KDM7A: variants seen among roughly 807,000 people sequenced by gnomAD.
The protein encoded by KDM7A is lysine-specific demethylase 7A.
In KDM7A, 28 loss-of-function variants were observed where a neutral mutation model predicts 114.8. The observed-to-expected ratio is 0.24, with a 90% confidence interval of 0.18 to 0.33. The LOEUF (loss-of-function observed/expected upper bound fraction) is 0.33, where lower values mean the gene tolerates loss of function less well. KDM7A is among the 10% of genes least tolerant of loss of function. The pLI is 1.00. For missense variants in KDM7A, 942 were observed against 1,142.5 expected (o/e 0.82, Z 2.53); for synonymous variants, 423 against 397.8 (o/e 1.06, Z -0.75).
chr7:140,119,195 T>C lies in KDM7A; in HGVS notation c.1164A>G (p.Leu388=), dbSNP rs1442150316. The change falls in exon 9 of 20, where the codon CTA becomes CTG. Residue 388 remains leucine, a synonymous_variant. Coordinates refer to ENST00000397560, the MANE Select transcript of KDM7A (RefSeq NM_030647.2). ...QLRCYEMEKR[L]KTPDLFKFPF... is the part of the protein sequence containing the mutation. Reference sequence around the variant, plus strand: ...GGAATTTGAAAAGATCTGGTGTTTTTAGCCTTTTCTCCATCTCATAACACC... The same window carrying C: ...GGAATTTGAAAAGATCTGGTGTTTTCAGCCTTTTCTCCATCTCATAACACC... 1.2e-6 allele frequency: 2 copies of C among 1,605,794 alleles called. No individual in the cohort carries two copies. Among genetic ancestry groups the C allele is most frequent in the Admixed American group, 3.3e-5 (2 of 59,832 alleles).
chr7:140,102,945 C>T (rs1436309965), intron 11 of KDM7A, among the ~76,000 whole-genome samples: 1 of 152,172 alleles, frequency 6.6e-6, no homozygotes, highest in Non-Finnish European at 1.5e-5. Flanking sequence ...CCACTTGCAA[C>T]ATTTTTTTAC....
chr7:140,110,956 G>T, intron 11 of KDM7A, 139 bp downstream of exon 11: 1 of 487,566 alleles, frequency 2.1e-6, no homozygotes, highest in East Asian at 3.2e-5. Context: ...GAAAACCTGA[G>T]AAACCTCCAA....
chr7:140,105,190 T>A (rs1183817035), intron 11 of KDM7A, among the ~76,000 whole-genome samples: 2 of 152,198 alleles, frequency 1.3e-5, no homozygotes, highest in Non-Finnish European at 1.5e-5. Flanking sequence ...GATTTTGGGC[T>A]GAGATGAGGG....
intron 1 of KDM7A, among the ~76,000 whole-genome samples, chr7:140,173,138 A>T (rs1354707502): frequency 6.6e-6 from 1 of 152,202 alleles, no homozygotes; most frequent in Non-Finnish European, 1.5e-5. Flanking sequence ...GCGGGGCCTT[A>T]TCAGGAAAGA....
Position 140,134,730 on chromosome 7 carries a change from T to C in KDM7A, c.281-1074A>G, listed in dbSNP as rs113074160. On this transcript the variant is annotated intron_variant, in intron 2 of 19. Transcript: ENST00000397560. ...TTAGAGCATGTAATGAAAATGTTAA[T>C]AGTAGAATCTAGATGATAAGGCTTA... 2.7e-3 allele frequency among the ~76,000 whole-genome samples: 416 copies of C among 152,254 alleles called. 4 individuals are homozygous for C. Among genetic ancestry groups the C allele is most frequent in the African/African-American group, 9.6e-3 (397 of 41,558 alleles).
intron 2 of KDM7A, among the ~76,000 whole-genome samples, chr7:140,135,441 T>A (rs898858031): frequency 6.6e-6 from 1 of 152,178 alleles, no homozygotes; most frequent in Non-Finnish European, 1.5e-5. Flanking sequence ...GACCTTGTGA[T>A]CCGCCCACCT....
At chr7:140,138,367 TAAC>T (rs764854407) in intron 2 of KDM7A, among the ~76,000 whole-genome samples, 37 of 152,036 alleles carry the variant, frequency 2.4e-4, no homozygotes, top group Non-Finnish European at 3.5e-4. Context: ...ATTTGCACAA[TAAC>T]AACATTTCAA....
chr7:140,100,681 C>CACACATATATATATATATATATAT (rs1554395402), intron 12 of KDM7A, among the ~76,000 whole-genome samples: 3 of 44,364 alleles, frequency 6.8e-5, no homozygotes, highest in African/African-American at 1.9e-4. Context: ...TATATATATA[C>CACACATATATATATATATATATAT]ATATATACAT....
At chr7:140,147,295 T>C (rs1159047177) in intron 1 of KDM7A, among the ~76,000 whole-genome samples, 2 of 152,092 alleles carry the variant, frequency 1.3e-5, no homozygotes. Flanking sequence ...TTGTTGACTA[T>C]TAACTGTGCT....
rs1794708368 is a variant in KDM7A at position 140,176,384 on chromosome 7, T to C, written c.194+360A>G. On this transcript the variant is annotated intron_variant, in intron 1 of 19. Coordinates refer to ENST00000397560, the MANE Select transcript of KDM7A (RefSeq NM_030647.2). The surrounding 1 kb of genome is among the most constrained non-coding windows in gnomAD (Gnocchi z 4.4). ...GGGGCGGGGCGGCGGCGGCCCGGGC[T>C]GGCGAGGGGCTGCGGACCCGGCCGG... is the stretch of plus-strand genomic sequence containing the variant. Among the ~76,000 whole-genome samples, 1 of 133,426 alleles carries C rather than the reference T, an allele frequency of 7.5e-6. No homozygotes were observed. The highest frequency in any genetic ancestry group is 7.3e-5 in the Admixed American group (1 of 13,700). The allele number at this position is 133,426 out of a possible 152,430, so 87.5% of individuals were successfully genotyped here.
At position 140,124,653 on chromosome 7, in the gene KDM7A, A is replaced by C. The variant is rs1384546611; in HGVS notation, c.1019T>G (p.Val340Gly). Reference sequence around the variant, plus strand: ...AACAAATAAGGTATGTCCCTGCTTTACCACACATTTGTAGCATTTATCCAC... The same window carrying C: ...AACAAATAAGGTATGTCCCTGCTTTCCCACACATTTGTAGCATTTATCCAC... ...DKVDKCYKCV[V>G]KQGHTLFVPT... is the part of the protein sequence containing the mutation. The change falls in exon 7 of 20, where the codon GTA (valine) becomes GGA (glycine). Residue 340 changes from valine (V) to glycine (G), a missense_variant. Val to Gly is a moderately radical substitution (Grantham distance 109). Coordinates refer to ENST00000397560, the MANE Select transcript of KDM7A (RefSeq NM_030647.2). 1 of 1,613,426 alleles carries C rather than the reference A, an allele frequency of 6.2e-7. No homozygotes were observed. The highest frequency in any genetic ancestry group is 8.5e-7 in the Non-Finnish European group (1 of 1,179,748).
In KDM7A at chr7:140,176,921, G is replaced by A. The variant is rs1794718815; in HGVS notation, c.17C>T (p.Ala6Val). MAGAA[A>V]AVAAGAAAGA... ...AGCTGCTGCTCCCGCGGCCACCGCC[G>A]CCGCCGCTCCGGCCATCTTTAAAAA... Residue 6 changes from alanine (A) to valine (V), a missense_variant, in exon 1 of 20, where the codon GCG becomes GTG. Physicochemically the swap from Ala to Val is moderately conservative, Grantham distance 64 (BLOSUM62 0). Coordinates refer to ENST00000397560, the MANE Select transcript of KDM7A (RefSeq NM_030647.2). This position sits in a 1 kb window ranked among gnomAD's most constrained non-coding sequence, Gnocchi z 4.4. 8.6e-6 allele frequency: 10 copies of A among 1,164,260 alleles called. No homozygotes were observed. The highest frequency in any genetic ancestry group is 4.9e-5 in the Admixed American group (1 of 20,356). The allele number at this position is 1,164,260 out of a possible 1,614,324, so 72.1% of individuals were successfully genotyped here. A position where few individuals can be genotyped will look rare whatever the true frequency, so the allele number is the denominator to read the frequency against.
At chr7:140,149,934 T>G (rs923452084) in intron 1 of KDM7A, among the ~76,000 whole-genome samples, 2 of 152,206 alleles carry the variant, frequency 1.3e-5, no homozygotes, top group Non-Finnish European at 2.9e-5. Flanking sequence ...GTATGTGAAG[T>G]TCTACAACAC....
chr7:140,106,914 G>A (rs1414029458), intron 11 of KDM7A, among the ~76,000 whole-genome samples: 1 of 152,076 alleles, frequency 6.6e-6, no homozygotes, highest in Middle Eastern at 3.2e-3. Flanking sequence ...TTATTGTGTG[G>A]GAGTCTAAGT....
In KDM7A at chr7:140,088,994, G is replaced by A. The variant is rs1817977825; in HGVS notation, c.*2100C>T. ...CCAGATCATGATATAACACGAAAAG[G>A]AAATTATAGCTCTTACACCTCGTAT... On this transcript the variant is annotated 3_prime_UTR_variant, in exon 20 of 20. Coordinates refer to ENST00000397560, the MANE Select transcript of KDM7A (RefSeq NM_030647.2). 1 of 152,076 alleles carries A rather than the reference G, an allele frequency of 6.6e-6. No homozygotes were observed. Among genetic ancestry groups the A allele is most frequent in the Admixed American group, 6.5e-5 (1 of 15,268 alleles). The allele number at this position is 152,076 out of a possible 1,614,324, so 9.4% of individuals were successfully genotyped here. A position where few individuals can be genotyped will look rare whatever the true frequency, so the allele number is the denominator to read the frequency against.
chr7:140,150,243 G>T (rs949325199), intron 1 of KDM7A, among the ~76,000 whole-genome samples: 2 of 152,150 alleles, frequency 1.3e-5, no homozygotes, highest in Non-Finnish European at 2.9e-5. Context: ...TTTGACTGAT[G>T]AATTCTACAA....
At chr7:140,154,089 G>A (rs1188340414) in intron 1 of KDM7A, among the ~76,000 whole-genome samples, 1 of 152,134 alleles carries the variant, frequency 6.6e-6, no homozygotes, top group Non-Finnish European at 1.5e-5. Flanking sequence ...TTTGAATCCT[G>A]GGTGACTAGT....
intron 1 of KDM7A, among the ~76,000 whole-genome samples, chr7:140,175,506 G>C (rs1794693198): frequency 6.6e-6 from 1 of 152,196 alleles, no homozygotes; most frequent in Admixed American, 6.5e-5. Context: ...CGGGAAACCG[G>C]CTTCAACTAA....
chr7:140,104,215 A>T (rs1025830465), intron 11 of KDM7A, among the ~76,000 whole-genome samples: 2 of 152,116 alleles, frequency 1.3e-5, no homozygotes, highest in African/African-American at 4.8e-5. Flanking sequence ...ATATTAGCCC[A>T]TTGTCAGATG....
Sources: allele counts gnomAD v4.1 joint callset (sites outside exome capture counted in the v4.1 genomes callset), GRCh38; gene constraint gnomAD v4.1.1; non-coding constraint Gnocchi (gnomAD v3.1); transcripts MANE v1.5; gene names NCBI Gene and HGNC (gene_info 2026-07-23, HGNC 2026-07-21).